The following CGB8 variants were observed in gnomAD, a reference collection of about 807,000 sequenced individuals.
CGB8 encodes chorionic gonadotropin subunit beta 8.
In CGB8, 2 loss-of-function variants were observed where a neutral mutation model predicts 7.6. That is an observed-to-expected ratio of 0.26 (90% CI 0.11 to 0.83). The LOEUF is 0.83. Among genes scored for constraint, CGB8 ranks in the 40% least tolerant of loss-of-function variants. CGB8 has a pLI of 0.65. For synonymous variants in CGB8, 8 were observed against 91.5 expected (o/e 0.09, Z 5.21); for missense variants, 16 against 208.2 (o/e 0.08, Z 5.68).
Position 49,049,030 on chromosome 19 carries a change from G to C in CGB8, c.-291C>G, listed in dbSNP as rs1480683078. On this transcript the variant is annotated 5_prime_UTR_variant, in exon 1 of 3. Transcript: ENST00000448456. ...AGCCTGGAGGCACAGGGAGTAGGGT[G>C]TAGGAAGGCCTGCCTCTGCCTATGG... 2.3e-6 allele frequency: 3 copies of C among 1,292,996 alleles called. No individual in the cohort carries two copies. The highest frequency in any genetic ancestry group is 3.2e-5 in the African/African-American group (2 of 63,312). The allele number at this position is 1,292,996 out of a possible 1,614,324, so 80.1% of individuals were successfully genotyped here. A position where few individuals can be genotyped will look rare whatever the true frequency, so the allele number is the denominator to read the frequency against.
In CGB8 at chr19:49,048,726, T is replaced by G. The variant is rs2039963682; in HGVS notation, c.14A>C (p.Gln5Pro). Residue 5 changes from glutamine (Q) to proline (P), a missense_variant and splice_region_variant, in exon 1 of 3, where the codon CAG (glutamine) becomes CCG (proline). By Grantham distance (76) the Gln-to-Pro change is moderately conservative. Transcript: ENST00000448456. ...TGCCCAGGGGCCCTGCAGTCTTACC[T>G]GGAACATCTCCATCCTTGGTGTGTC... The part of the protein sequence containing the change: MEMF[Q>P]GLLLLLLLSM... 1 of 1,613,092 alleles carries G rather than the reference T, an allele frequency of 6.2e-7. No homozygotes were observed. The highest frequency in any genetic ancestry group is 8.5e-7 in the Non-Finnish European group (1 of 1,179,858).
chr19:49,048,763 G>A lies in CGB8; in HGVS notation c.-24C>T, dbSNP rs773895792. ...ATCCTTGGTGTGTCCCCTGCCTCGT[G>A]TACCTGGCTTTAAACCTCGGGGTTG... On this transcript the variant is annotated 5_prime_UTR_variant, in exon 1 of 3. Coordinates refer to ENST00000448456, the MANE Select transcript of CGB8 (RefSeq NM_033183.3). 6.2e-7 allele frequency: 1 copy of A among 1,613,112 alleles called. No homozygotes were observed. The highest frequency in any genetic ancestry group is 8.5e-7 in the Non-Finnish European group (1 of 1,179,852).
intron 1 of CGB8, among the ~76,000 whole-genome samples, 165 bp from the exon 2 acceptor site, chr19:49,048,537 C>G (rs1343656721): frequency 6.6e-6 from 1 of 151,570 alleles, no homozygotes; most frequent in African/African-American, 2.5e-5. Context: ...CACCCCACAG[C>G]CCAGAGGACC....
At chr19:49,048,587 T>C (rs2039962076) in intron 1 of CGB8, 138 bp downstream of exon 1, 1 of 1,604,092 alleles carries the variant, frequency 6.2e-7, no homozygotes. Flanking sequence ...CTTCAGGAAA[T>C]GCCCCACCTG....
rs1600233502 is a variant in CGB8 at position 49,048,821 on chromosome 19, A to G, written c.-82T>C. The stretch of plus-strand genomic sequence containing the variant: ...GGCAAGGCCACCAGGAGGTTGTAGG[A>G]TGCTGGAGTGAGCTCGACACTAACC... On this transcript the variant is annotated 5_prime_UTR_variant, in exon 1 of 3. Coordinates refer to ENST00000448456, the MANE Select transcript of CGB8 (RefSeq NM_033183.3). 6.2e-6 allele frequency: 10 copies of G among 1,611,568 alleles called. No individual in the cohort carries two copies. The East Asian group carries it at 2.2e-4, about 36-fold the overall frequency.
chr19:49,048,610 G>A lies in CGB8; in HGVS notation c.15+115C>T. The A allele has an allele frequency of 1.9e-6, 3 of 1,606,482 alleles. No individual in the cohort carries two copies. In the East Asian group the frequency reaches 6.7e-5, roughly 36 times the overall value. The stretch of plus-strand genomic sequence containing the variant: ...AATGCCCCACCTGAAGCTTACTGGG[G>A]GTCACGCTCCTCCAGAAAGAGGCCT... On this transcript the variant is annotated intron_variant, in intron 1 of 2. Transcript: ENST00000448456.
Position 49,048,846 on chromosome 19 carries a change from C to G in CGB8, c.-107G>C. Reference sequence around the variant, plus strand: ...ATGCTGGAGTGAGCTCGACACTAACCCTTCGGGGGGCAAGAGGTAGACAAG... The same window carrying G: ...ATGCTGGAGTGAGCTCGACACTAACGCTTCGGGGGGCAAGAGGTAGACAAG... On this transcript the variant is annotated 5_prime_UTR_variant, in exon 1 of 3. Transcript: ENST00000448456. The G allele has an allele frequency of 7.5e-6, 12 of 1,601,580 alleles. No homozygotes were observed. Among genetic ancestry groups the G allele is most frequent in the Non-Finnish European group, 1.0e-5 (12 of 1,171,144 alleles).
In CGB8 at chr19:49,048,869, A is replaced by G; in HGVS notation, c.-130T>C. 1 of 1,543,510 alleles carries G rather than the reference A, an allele frequency of 6.5e-7. No individual in the cohort carries two copies. The highest frequency in any genetic ancestry group is 1.1e-5 in the South Asian group (1 of 86,970). Reference sequence around the variant, plus strand: ...ACCCTTCGGGGGGCAAGAGGTAGACAAGGCCAGGGGGGCGCAGGAGTGGCT... The same window carrying G: ...ACCCTTCGGGGGGCAAGAGGTAGACGAGGCCAGGGGGGCGCAGGAGTGGCT... On this transcript the variant is annotated 5_prime_UTR_variant, in exon 1 of 3. Transcript: ENST00000448456.
rs72556336 is a variant in CGB8, at chr19:49,048,680, T to G, written c.15+45A>C. ...GTCTGCCCCTTCTCATGCCAGTGAT[T>G]GCCTGGAAGGAGGTGGAAGGTGCCC... On this transcript the variant is annotated intron_variant, in intron 1 of 2. Coordinates refer to ENST00000448456, the MANE Select transcript of CGB8 (RefSeq NM_033183.3). 4,802 of 1,612,116 alleles carry G rather than the reference T, an allele frequency of 3.0e-3. 5 individuals carry two copies. Among genetic ancestry groups the G allele is most frequent in the Middle Eastern group, 6.3e-3 (33 of 5,248 alleles).
chr19:49,047,667 G>T lies in CGB8; in HGVS notation c.486C>A (p.Ile162=). Residue 162 remains isoleucine, a synonymous_variant, in exon 3 of 3, where the codon ATC becomes ATA. Transcript: ENST00000448456. Reference sequence around the variant, plus strand: ...GATTGAGAAGCCTTTATTGTGGGAGGATCGGGGTGTCCGAGGGCCCCGGGA... The same window carrying T: ...GATTGAGAAGCCTTTATTGTGGGAGTATCGGGGTGTCCGAGGGCCCCGGGA... The part of the protein sequence containing the change: ...SRLPGPSDTP[I]LPQ 1.2e-6 allele frequency: 2 copies of T among 1,609,230 alleles called. No individual in the cohort carries two copies. The highest frequency in any genetic ancestry group is 2.2e-5 in the South Asian group (2 of 90,600).
In CGB8 at chr19:49,048,857, C is replaced by A. The variant is rs1356725899; in HGVS notation, c.-118G>T. 4.4e-6 allele frequency: 7 copies of A among 1,584,742 alleles called. No individual in the cohort carries two copies. Among genetic ancestry groups the A allele is most frequent in the Non-Finnish European group, 6.0e-6 (7 of 1,158,130 alleles). ...AGCTCGACACTAACCCTTCGGGGGG[C>A]AAGAGGTAGACAAGGCCAGGGGGGC... On this transcript the variant is annotated 5_prime_UTR_variant, in exon 1 of 3. Transcript: ENST00000448456.
At position 49,048,898 on chromosome 19, in the gene CGB8, C is replaced by T. The variant is rs1225540156; in HGVS notation, c.-159G>A. The T allele has an allele frequency of 8.9e-6, 12 of 1,349,284 alleles. No homozygotes were observed. The highest frequency in any genetic ancestry group is 2.3e-5 in the East Asian group (1 of 42,864). The allele number at this position is 1,349,284 out of a possible 1,614,324, so 83.6% of individuals were successfully genotyped here. A position where few individuals can be genotyped will look rare whatever the true frequency, so the allele number is the denominator to read the frequency against. ...CCAGGGGGGCGCAGGAGTGGCTCAG[C>T]GGAGCGCCCCAGCCCTCTCCTCTCA... On this transcript the variant is annotated 5_prime_UTR_variant, in exon 1 of 3. Transcript: ENST00000448456.
At chr19:49,048,537 C>T (rs1343656721) in intron 1 of CGB8, among the ~76,000 whole-genome samples, 165 bp from the exon 2 acceptor site, 3 of 151,568 alleles carry the variant, frequency 2.0e-5, no homozygotes, top group African/African-American at 7.4e-5. Context: ...CACCCCACAG[C>T]CCAGAGGACC....
rs1315911368 is a variant in CGB8, at chr19:49,048,874, C to T, written c.-135G>A. The T allele has an allele frequency of 1.3e-6, 2 of 1,496,676 alleles. No homozygotes were observed. The highest frequency in any genetic ancestry group is 1.8e-6 in the Non-Finnish European group (2 of 1,088,352). The allele number at this position is 1,496,676 out of a possible 1,614,324, so 92.7% of individuals were successfully genotyped here. The stretch of plus-strand genomic sequence containing the variant: ...TCGGGGGGCAAGAGGTAGACAAGGC[C>T]AGGGGGGCGCAGGAGTGGCTCAGCG... On this transcript the variant is annotated 5_prime_UTR_variant, in exon 1 of 3. Transcript: ENST00000448456.
chr19:49,048,861 A>T lies in CGB8; in HGVS notation c.-122T>A. 1 of 1,566,694 alleles carries T rather than the reference A, an allele frequency of 6.4e-7. No individual in the cohort carries two copies. The highest frequency in any genetic ancestry group is 8.7e-7 in the Non-Finnish European group (1 of 1,143,098). On this transcript the variant is annotated 5_prime_UTR_variant, in exon 1 of 3. Coordinates refer to ENST00000448456, the MANE Select transcript of CGB8 (RefSeq NM_033183.3). The stretch of plus-strand genomic sequence containing the variant: ...CGACACTAACCCTTCGGGGGGCAAG[A>T]GGTAGACAAGGCCAGGGGGGCGCAG...
In CGB8 at chr19:49,047,639, G is replaced by T. The variant is rs1346186343; in HGVS notation, c.*16C>A. On this transcript the variant is annotated 3_prime_UTR_variant, in exon 3 of 3. Transcript: ENST00000448456. ...GCCCACAGAAAGACACCTCCAGAGT[G>T]CGGATTGAGAAGCCTTTATTGTGGG... 1.2e-6 allele frequency: 2 copies of T among 1,607,682 alleles called. No individual in the cohort carries two copies. The highest frequency in any genetic ancestry group is 1.7e-6 in the Non-Finnish European group (2 of 1,177,996).
chr19:49,048,594 C>G, intron 1 of CGB8, 131 bp downstream of exon 1: 1 of 1,604,942 alleles, frequency 6.2e-7, no homozygotes, highest in Non-Finnish European at 8.5e-7. Flanking sequence ...AAATGCCCCA[C>G]CTGAAGCTTA....
Position 49,048,274 on chromosome 19 carries a change from C to G in CGB8, c.114G>C (p.Val38=). ...TGCACACGGGGCAGCCCTCCTTCTC[C>G]ACAGCCAGGGTGGCATTGATGGGGC... The part of the protein sequence containing the change: ...RCRPINATLA[V]EKEGCPVCIT... The change falls in exon 2 of 3, where the codon GTG becomes GTC. Residue 38 remains valine (V), a synonymous_variant. Coordinates refer to ENST00000448456, the MANE Select transcript of CGB8 (RefSeq NM_033183.3). The G allele has an allele frequency of 6.3e-7, 1 of 1,579,262 alleles. No individual in the cohort carries two copies. The highest frequency in any genetic ancestry group is 1.4e-5 in the African/African-American group (1 of 71,198).
At chr19:49,048,662 C>G in intron 1 of CGB8, 63 bp downstream of exon 1, 8 of 1,612,190 alleles carry the variant, frequency 5.0e-6, no homozygotes, top group Non-Finnish European at 6.8e-6. Flanking sequence ...CTGGTCTGCC[C>G]CTTCTCATGC....
Sources: allele counts gnomAD v4.1 joint callset (sites outside exome capture counted in the v4.1 genomes callset), GRCh38; gene constraint gnomAD v4.1.1; transcripts MANE v1.5; gene names NCBI Gene and HGNC (gene_info 2026-07-23, HGNC 2026-07-21).